The following MRPS6 variants were observed in gnomAD, a reference collection of about 807,000 sequenced individuals.
MRPS6 encodes mitochondrial ribosomal protein S6.
MRPS6 carries 6 observed loss-of-function variants against 13.1 expected under a neutral mutation model. The ratio of observed to expected loss-of-function variants is 0.46; its 90% CI spans 0.25 to 0.91. MRPS6 has a LOEUF of 0.91. MRPS6 is among the 40% of genes least tolerant of loss of function. The probability of loss-of-function intolerance (pLI) is 0.18; values close to 1 mark genes in which losing one functional copy is unlikely to be tolerated. For missense variants in MRPS6, 164 were observed against 155.6 expected, an observed-to-expected ratio of 1.05 and a Z score of -0.29; for synonymous variants, 61 against 56.5, an observed-to-expected ratio of 1.08 and a Z score of -0.36.
chr21:34,123,011 AAG>A (rs1980174455), intron 1 of MRPS6: 2 of 152,204 alleles, frequency 1.3e-5, no homozygotes, highest in Admixed American at 6.5e-5. Flanking sequence ...TGTTAATGGG[AAG>A]AGATTTTGGC....
chr21:34,101,276 T>G (rs1979225927), intron 1 of MRPS6: 1 of 1,000,130 alleles, frequency 1.0e-6, no homozygotes, highest in South Asian at 4.7e-5. Context: ...CTCAGCTACT[T>G]TAAACTCCTC....
chr21:34,140,072 A>G (rs945757586), intron 2 of MRPS6, among the ~76,000 whole-genome samples: 18 of 152,018 alleles, frequency 1.2e-4, no homozygotes, highest in African/African-American at 3.6e-4. Context: ...AATCTTCTCC[A>G]TGAACTAGTG....
At chr21:34,125,190 A>T in intron 1 of MRPS6, 151 bp from the exon 2 acceptor site, 3 of 1,181,512 alleles carry the variant, frequency 2.5e-6, no homozygotes, top group Non-Finnish European at 3.4e-6. Flanking sequence ...CTTTTATTTT[A>T]AGTTAACCAA....
At chr21:34,126,886 G>C (rs1980325480) in intron 2 of MRPS6, among the ~76,000 whole-genome samples, 1 of 152,120 alleles carries the variant, frequency 6.6e-6, no homozygotes, top group Non-Finnish European at 1.5e-5. Flanking sequence ...GACGTCACTT[G>C]TCTGAGGACC....
intron 1 of MRPS6, chr21:34,098,719 T>C: frequency 2.0e-6 from 2 of 1,000,246 alleles, no homozygotes; most frequent in African/African-American, 1.7e-5. Context: ...ATTATAGGAC[T>C]CTAACTTGAC....
intron 1 of MRPS6, among the ~76,000 whole-genome samples, chr21:34,083,090 T>G (rs556970228): frequency 1.1e-3 from 172 of 152,328 alleles, no homozygotes; most frequent in African/African-American, 4.0e-3. Context: ...TGACTTGAGT[T>G]TTTAAAAGTT....
chr21:34,108,080 C>A (rs931056294), intron 1 of MRPS6, among the ~76,000 whole-genome samples: 1 of 152,144 alleles, frequency 6.6e-6, no homozygotes, highest in African/African-American at 2.4e-5. Flanking sequence ...TTTCTGTAGC[C>A]TAGTGATCTT....
At chr21:34,138,099 A>G (rs977197364) in intron 2 of MRPS6, among the ~76,000 whole-genome samples, 1 of 151,060 alleles carries the variant, frequency 6.6e-6, no homozygotes, top group Non-Finnish European at 1.5e-5. Flanking sequence ...TGCTGGCTTC[A>G]CAGAACAAAT....
chr21:34,106,196 T>G (rs1458201313), intron 1 of MRPS6: 26 of 976,178 alleles, frequency 2.7e-5, no homozygotes. Flanking sequence ...GTAACTGAAG[T>G]ATAGTAATTA....
intron 1 of MRPS6, chr21:34,101,893 T>A: frequency 1.0e-6 from 1 of 1,000,224 alleles, no homozygotes; most frequent in Non-Finnish European, 1.2e-6. Context: ...GCAGTAGTGA[T>A]CATTTATGTG....
At position 34,104,357 on chromosome 21, in the gene MRPS6, C is replaced by T. The variant is rs552109263; in HGVS notation, c.46-20984C>T. The T allele has an allele frequency of 3.4e-5, 34 of 1,000,020 alleles. No homozygotes were observed. In the South Asian group the frequency reaches 1.3e-3, roughly 37 times the overall value. 61.9% of individuals were successfully genotyped at this position (1,000,020 alleles called of 1,614,324 possible). A position where few individuals can be genotyped will look rare whatever the true frequency, so the allele number is the denominator to read the frequency against. On this transcript the variant is annotated intron_variant, in intron 1 of 2. Transcript: ENST00000399312. ...CGTATGTTCTTCTACTCAGCATTGC[C>T]CTTTTCCACCTCCTCACTTCACCTC... is the stretch of plus-strand genomic sequence containing the variant.
At chr21:34,074,266 C>T (rs1368075685) in intron 1 of MRPS6, among the ~76,000 whole-genome samples, 1 of 151,988 alleles carries the variant, frequency 6.6e-6, no homozygotes, top group Non-Finnish European at 1.5e-5. Context: ...CCCAATAAAG[C>T]GTTCCTCCAA....
chr21:34,123,191 C>T (rs1211001541), intron 1 of MRPS6: 1 of 152,102 alleles, frequency 6.6e-6, no homozygotes, highest in Non-Finnish European at 1.5e-5. Flanking sequence ...ACATTTCATA[C>T]CATTTTAGCA....
chr21:34,097,754 G>T (rs952970092), intron 1 of MRPS6: 40 of 1,003,614 alleles, frequency 4.0e-5, no homozygotes, highest in Non-Finnish European at 4.6e-5. Flanking sequence ...TTTTTTTTCT[G>T]TCTCTGTAAT....
At chr21:34,079,655 T>C (rs1051629540) in intron 1 of MRPS6, among the ~76,000 whole-genome samples, 2 of 145,806 alleles carry the variant, frequency 1.4e-5, no homozygotes, top group African/African-American at 5.2e-5. Flanking sequence ...GGTTTCACCA[T>C]GTTGGCCAGG....
chr21:34,106,249 A>G (rs936164595), intron 1 of MRPS6: 39 of 854,534 alleles, frequency 4.6e-5, no homozygotes, highest in Non-Finnish European at 5.6e-5. Context: ...TTTGAATAAA[A>G]TGAAAAATTT....
In MRPS6 at chr21:34,098,664, T is replaced by G. The variant is rs905541686; in HGVS notation, c.45+24919T>G. ...TTGAGAGGTGCCAAACAAGAACTTT[T>G]GGGGTTAGTAGTGTGTCTTGTGGAG... On this transcript the variant is annotated intron_variant, in intron 1 of 2. Transcript: ENST00000399312. 17 of 1,000,134 alleles carry G rather than the reference T, an allele frequency of 1.7e-5. No homozygotes were observed. In the African/African-American group the frequency reaches 2.8e-4, roughly 16 times the overall value. 62.0% of individuals were successfully genotyped at this position (1,000,134 alleles called of 1,614,324 possible). A position where few individuals can be genotyped will look rare whatever the true frequency, so the allele number is the denominator to read the frequency against.
chr21:34,094,607 G>A (rs570367950), intron 1 of MRPS6, among the ~76,000 whole-genome samples: 1 of 152,314 alleles, frequency 6.6e-6, no homozygotes, highest in South Asian at 2.1e-4. Flanking sequence ...GTTAGCTGCT[G>A]AAGTTAGGCC....
At chr21:34,109,123 C>G (rs183973237) in intron 1 of MRPS6, among the ~76,000 whole-genome samples, 1,752 of 152,142 alleles carry the variant, frequency 0.012, 38 homozygotes, top group South Asian at 0.081. Flanking sequence ...TCTTTTGTTC[C>G]TGAAATCTTT....
Sources: allele counts gnomAD v4.1 joint callset (sites outside exome capture counted in the v4.1 genomes callset), GRCh38; gene constraint gnomAD v4.1.1; transcripts MANE v1.5; gene names NCBI Gene and HGNC (gene_info 2026-07-23, HGNC 2026-07-21).